PARD3B: variants seen among roughly 807,000 people sequenced by gnomAD.
The protein encoded by PARD3B is partitioning defective 3 homolog B.
In PARD3B, 103 loss-of-function variants were observed where a neutral mutation model predicts 130.2. The observed-to-expected ratio is 0.79, with a 90% confidence interval of 0.67 to 0.93. The LOEUF is 0.93. Among genes scored for constraint, PARD3B ranks in the 40% least tolerant of loss-of-function variants. The pLI is 0.00. For synonymous variants in PARD3B, 583 were observed against 553.2 expected (o/e 1.05, Z -0.76); for missense variants, 1,609 against 1,499.2 (o/e 1.07, Z -1.21).
Position 205,158,860 on chromosome 2 carries a change from T to G in PARD3B, c.1573T>G (p.Leu525Val), listed in dbSNP as rs1251309109. 1.2e-6 allele frequency: 2 copies of G among 1,614,142 alleles called. No homozygotes were observed. ...CAAATCCAGAGAAACTGGAACAGAC[T>G]TGGGGATTTTTATCAAATCCATCAT... ...GNKSRETGTD[L>V]GIFIKSIIHG... Residue 525 changes from leucine to valine, a missense_variant, in exon 11 of 23, where the codon TTG becomes GTG. Leu to Val is a conservative substitution (Grantham distance 32). Transcript: ENST00000406610. This position sits in a 1 kb window ranked among gnomAD's most constrained non-coding sequence, Gnocchi z 5.4.
Position 204,897,318 on chromosome 2 carries a change from G to A in PARD3B, c.223-67834G>A, listed in dbSNP as rs553505440. On this transcript the variant is annotated intron_variant, in intron 2 of 22. Coordinates refer to ENST00000406610, the MANE Select transcript of PARD3B (RefSeq NM_001302769.2). ...GAGGACTAAGAGTTGGTAAAAAGTCGCATAAATTGTGTGTAGCTCAGTGTG... is the reference window on the plus strand; with the variant it reads ...GAGGACTAAGAGTTGGTAAAAAGTCACATAAATTGTGTGTAGCTCAGTGTG... Among the ~76,000 whole-genome samples, 114 of 150,360 alleles carry A rather than the reference G, an allele frequency of 7.6e-4. 1 individual carries two copies. In the South Asian group the frequency reaches 0.022, roughly 29 times the overall value.
At chr2:205,298,473 A>C (rs1229024765) in intron 16 of PARD3B, among the ~76,000 whole-genome samples, 1 of 131,014 alleles carries the variant, frequency 7.6e-6, no homozygotes, top group Non-Finnish European at 1.6e-5. Flanking sequence ...TAACACCTGA[A>C]ATTTGTCCCT....
In PARD3B at chr2:204,870,364, C is replaced by A. The variant is rs1014238145; in HGVS notation, c.223-94788C>A. On this transcript the variant is annotated intron_variant, in intron 2 of 22. Transcript: ENST00000406610. ...ATGATGTTAATTAATTTGAAAGTTGCTAAGAGTCCCTATCAAATGCCTGTG... is the reference window on the plus strand; with the variant it reads ...ATGATGTTAATTAATTTGAAAGTTGATAAGAGTCCCTATCAAATGCCTGTG... Among the ~76,000 whole-genome samples, 13 of 152,256 alleles carry A rather than the reference C, an allele frequency of 8.5e-5. No individual in the cohort carries two copies. The Middle Eastern group carries it at 0.01, about 120-fold the overall frequency.
intron 21 of PARD3B, among the ~76,000 whole-genome samples, chr2:205,548,617 T>C (rs4618031): frequency 0.94 from 143,106 of 152,116 alleles, 67,910 homozygotes; most frequent in East Asian, 1. Flanking sequence ...CTCAGACCTT[T>C]GCTGAACTCT....
chr2:204,938,416 C>A (rs928220394), intron 2 of PARD3B, among the ~76,000 whole-genome samples: 1 of 152,192 alleles, frequency 6.6e-6, no homozygotes, highest in Non-Finnish European at 1.5e-5. Flanking sequence ...CCGTAGGGTT[C>A]TTCCACTTTT....
chr2:205,058,289 C>T (rs1699857448), intron 4 of PARD3B, among the ~76,000 whole-genome samples: 1 of 151,826 alleles, frequency 6.6e-6, no homozygotes, highest in Non-Finnish European at 1.5e-5. Context: ...GTTGAAAATA[C>T]TCTGTTGTAT....
intron 21 of PARD3B, among the ~76,000 whole-genome samples, chr2:205,507,784 C>T (rs529855202): frequency 4.5e-4 from 68 of 152,148 alleles, no homozygotes; most frequent in Non-Finnish European, 5.3e-4. Context: ...TTTGTGTATT[C>T]TCCTGTTTAT....
At chr2:205,467,561 T>C (rs1011985657) in intron 20 of PARD3B, among the ~76,000 whole-genome samples, 2 of 151,438 alleles carry the variant, frequency 1.3e-5, no homozygotes, top group African/African-American at 4.9e-5. Flanking sequence ...TTTTCAAGAT[T>C]TGTTCACAAT....
chr2:205,200,393 CTTAG>C (rs1277706311), intron 15 of PARD3B, among the ~76,000 whole-genome samples: 6 of 152,084 alleles, frequency 3.9e-5, no homozygotes, highest in African/African-American at 1.4e-4. Context: ...CTCTTTCAGT[CTTAG>C]TTAATTTTTC....
intron 1 of PARD3B, among the ~76,000 whole-genome samples, chr2:204,681,147 G>A (rs890028555): frequency 6.6e-6 from 1 of 152,036 alleles, no homozygotes; most frequent in Non-Finnish European, 1.5e-5. Context: ...CTGTTAGATT[G>A]AGCCTTTTAT....
intron 16 of PARD3B, among the ~76,000 whole-genome samples, chr2:205,278,088 G>A (rs1028807110): frequency 1.3e-5 from 2 of 152,118 alleles, no homozygotes; most frequent in African/African-American, 2.4e-5. Flanking sequence ...CAAAGGTAGC[G>A]AGTGCTGAGA....
rs967641247 is a variant in PARD3B, at chr2:205,440,985, G to A, written c.3044+313G>A. Among the ~76,000 whole-genome samples, 9 of 152,330 alleles carry A rather than the reference G, an allele frequency of 5.9e-5. No homozygotes were observed. The highest frequency in any genetic ancestry group is 1.9e-4 in the African/African-American group (8 of 41,570). On this transcript the variant is annotated intron_variant, in intron 20 of 22. Transcript: ENST00000406610. The surrounding 1 kb of genome is among the most constrained non-coding windows in gnomAD (Gnocchi z 4.2). ...GAACGAATATTGTCCTTTCTCCTAA[G>A]AGACCAATTGTAAAAGATTTATTCA...
rs188693989 is a variant in PARD3B, at chr2:205,573,785, T to C, written c.3260+20382T>C. Among the ~76,000 whole-genome samples the C allele has an allele frequency of 4.3e-4, 66 of 152,302 alleles. No homozygotes were observed. In the South Asian group the frequency reaches 5.4e-3, roughly 12 times the overall value. On this transcript the variant is annotated intron_variant, in intron 22 of 22. Transcript: ENST00000406610. ...TCTATAGTTAATAAAACATCGATCA[T>C]TGATATGAATATCAGGAAATTTATA...
intron 16 of PARD3B, among the ~76,000 whole-genome samples, chr2:205,275,906 G>T (rs1406896707): frequency 6.6e-6 from 1 of 151,038 alleles, no homozygotes; most frequent in African/African-American, 2.4e-5. Flanking sequence ...ATTTAGCAGG[G>T]ATCTTTTCAT....
At chr2:204,763,484 A>G (rs1020036592) in intron 2 of PARD3B, among the ~76,000 whole-genome samples, 6 of 152,130 alleles carry the variant, frequency 3.9e-5, no homozygotes, top group Non-Finnish European at 7.3e-5. Flanking sequence ...TATAGGAGTA[A>G]TTTTTTTCCG....
chr2:204,985,170 C>G (rs1163322244), intron 3 of PARD3B, among the ~76,000 whole-genome samples: 1 of 152,000 alleles, frequency 6.6e-6, no homozygotes, highest in Admixed American at 6.6e-5. Context: ...CCACTTCTTT[C>G]CTTACATCCT....
rs539389846 is a variant in PARD3B, at chr2:205,584,499, G to A, written c.3261-30957G>A. Reference sequence around the variant, plus strand: ...TCGAGACCAGGCTGGCCAACATAGCGAAACCCCATCCCTACTAAAAATACA... The same window carrying A: ...TCGAGACCAGGCTGGCCAACATAGCAAAACCCCATCCCTACTAAAAATACA... On this transcript the variant is annotated intron_variant, in intron 22 of 22. Coordinates refer to ENST00000406610, the MANE Select transcript of PARD3B (RefSeq NM_001302769.2). This position sits in a 1 kb window ranked among gnomAD's most constrained non-coding sequence, Gnocchi z 5.5. Among the ~76,000 whole-genome samples, 144 of 152,108 alleles carry A rather than the reference G, an allele frequency of 9.5e-4. 1 individual carries two copies. The highest frequency in any genetic ancestry group is 1.6e-3 in the Non-Finnish European group (108 of 67,984).
At chr2:205,582,485 G>A (rs2054023879) in intron 22 of PARD3B, among the ~76,000 whole-genome samples, 1 of 152,156 alleles carries the variant, frequency 6.6e-6, no homozygotes, top group Non-Finnish European at 1.5e-5. Flanking sequence ...GAAGGATGAG[G>A]AAGTAGCTGG....
At chr2:205,599,915 C>G (rs1307341933) in intron 22 of PARD3B, among the ~76,000 whole-genome samples, 3 of 152,166 alleles carry the variant, frequency 2.0e-5, no homozygotes, top group African/African-American at 4.8e-5. Flanking sequence ...TGGGCTGGTC[C>G]TATGGTTACA....
Sources: allele counts gnomAD v4.1 joint callset (sites outside exome capture counted in the v4.1 genomes callset), GRCh38; gene constraint gnomAD v4.1.1; non-coding constraint Gnocchi (gnomAD v3.1); transcripts MANE v1.5; gene names NCBI Gene and HGNC (gene_info 2026-07-23, HGNC 2026-07-21).